Variants in WDR43 observed in about 807,000 individuals in gnomAD.
WDR43 encodes the protein WD repeat domain 43.
Under a neutral mutation model 91.4 loss-of-function variants are expected in WDR43, and 13 were observed. That is an observed-to-expected ratio of 0.14 (90% CI 0.09 to 0.23). The LOEUF is 0.23. Among genes scored for constraint, WDR43 ranks in the 10% least tolerant of loss-of-function variants. WDR43 has a pLI of 1.00. For synonymous variants in WDR43, 331 were observed against 287.9 expected (o/e 1.15, Z -1.51); for missense variants, 780 against 809.4 (o/e 0.96, Z 0.44).
Position 28,927,601 on chromosome 2 carries a change from A to G in WDR43, c.1206A>G (p.Lys402=). ...VRTPVMNSEA[K]VLVPGIPGHH... ...CACCAGTGATGAATTCTGAAGCAAAAGTTCTGGTGCCTGGGATTCCTGGTC... is the reference window on the plus strand; with the variant it reads ...CACCAGTGATGAATTCTGAAGCAAAGGTTCTGGTGCCTGGGATTCCTGGTC... Residue 402 remains lysine (K), a synonymous_variant, in exon 10 of 18, where the codon AAA becomes AAG. Transcript: ENST00000407426. The G allele has an allele frequency of 6.2e-7, 1 of 1,613,836 alleles. No homozygotes were observed. Among genetic ancestry groups the G allele is most frequent in the Non-Finnish European group, 8.5e-7 (1 of 1,179,844 alleles).
chr2:28,912,538 G>A, intron 3 of WDR43, 52 bp from the exon 4 acceptor site: 1 of 1,583,302 alleles, frequency 6.3e-7, no homozygotes, highest in Non-Finnish European at 8.6e-7. Context: ...TCTGCTCTGA[G>A]TAAAGTTTTC....
chr2:28,938,293 G>T (rs1187744287), intron 14 of WDR43, among the ~76,000 whole-genome samples: 1 of 152,154 alleles, frequency 6.6e-6, no homozygotes, highest in Non-Finnish European at 1.5e-5. Context: ...AGATTTAGAT[G>T]TGACACACAC....
intron 15 of WDR43, 91 bp from the exon 16 acceptor site, chr2:28,942,221 C>T: frequency 7.9e-7 from 1 of 1,258,854 alleles, no homozygotes; most frequent in Non-Finnish European, 1.1e-6. Context: ...GAGTTAGCAG[C>T]AAGCAGTGGG....
chr2:28,939,686 G>T (rs915711259), intron 14 of WDR43, among the ~76,000 whole-genome samples: 9 of 152,192 alleles, frequency 5.9e-5, no homozygotes, highest in Non-Finnish European at 1.2e-4. Flanking sequence ...TGATAAATTG[G>T]AATGCAATGA....
In WDR43 at chr2:28,947,469, C is replaced by A. The variant is rs1442428459; in HGVS notation, c.*690C>A. Reference sequence around the variant, plus strand: ...GTCATTAAAAAACTAGAGAATTAGCCATATTAAGGATTTTTCTTGACTGCA... The same window carrying A: ...GTCATTAAAAAACTAGAGAATTAGCAATATTAAGGATTTTTCTTGACTGCA... On this transcript the variant is annotated 3_prime_UTR_variant, in exon 18 of 18. Coordinates refer to ENST00000407426, the MANE Select transcript of WDR43 (RefSeq NM_015131.3). The A allele has an allele frequency of 6.6e-6, 1 of 151,858 alleles. No individual in the cohort carries two copies. Among genetic ancestry groups the A allele is most frequent in the Non-Finnish European group, 1.5e-5 (1 of 67,964 alleles). 9.4% of individuals were successfully genotyped at this position (151,858 alleles called of 1,614,324 possible).
rs1207976912 is a variant in WDR43 at position 28,913,801 on chromosome 2, A to G, written c.607-268A>G. On this transcript the variant is annotated intron_variant, in intron 4 of 17. Transcript: ENST00000407426. Reference sequence around the variant, plus strand: ...AATTAAGTGAATCTTTAATTCAAGAATGTAAGAAACAAAGGTGCGGAGTGG... The same window carrying G: ...AATTAAGTGAATCTTTAATTCAAGAGTGTAAGAAACAAAGGTGCGGAGTGG... 3 of 637,252 alleles carry G rather than the reference A, an allele frequency of 4.7e-6. No homozygotes were observed. In the African/African-American group the frequency reaches 5.3e-5, roughly 11 times the overall value. The allele number at this position is 637,252 out of a possible 1,614,324, so 39.5% of individuals were successfully genotyped here.
In WDR43 at chr2:28,937,515, T is replaced by TCTATATTTGC. The variant is rs201959440; in HGVS notation, c.1557-413_1557-404dup. Among the ~76,000 whole-genome samples the TCTATATTTGC allele has an allele frequency of 5.1e-3, 778 of 152,286 alleles. 5 individuals carry two copies. Among genetic ancestry groups the TCTATATTTGC allele is most frequent in the African/African-American group, 0.018 (736 of 41,540 alleles). ...TTATGACTTTTTTGCACATTTTTGGTCTATATTTGCCTTTTAATGTTAATG... is the reference window on the plus strand; with the variant it reads ...TTATGACTTTTTTGCACATTTTTGGTCTATATTTGCCTATATTTGCCTTTTAATGTTAATG... On this transcript the variant is annotated intron_variant, in intron 13 of 17. Coordinates refer to ENST00000407426, the MANE Select transcript of WDR43 (RefSeq NM_015131.3).
At position 28,947,032 on chromosome 2, in the gene WDR43, T is replaced by C. The variant is rs1487517202; in HGVS notation, c.*253T>C. The C allele has an allele frequency of 3.3e-6, 1 of 303,790 alleles. No homozygotes were observed. Among genetic ancestry groups the C allele is most frequent in the Non-Finnish European group, 6.0e-6 (1 of 165,678 alleles). 18.8% of individuals were successfully genotyped at this position (303,790 alleles called of 1,614,324 possible). ...AATGTACTGACATCAGTGTCCAATA[T>C]ATGGTATATTTTTATAATATAATAT... is the stretch of plus-strand genomic sequence containing the variant. On this transcript the variant is annotated 3_prime_UTR_variant, in exon 18 of 18. Transcript: ENST00000407426.
intron 7 of WDR43, 109 bp downstream of exon 7, chr2:28,923,092 A>G: frequency 2.2e-6 from 2 of 924,782 alleles, no homozygotes; most frequent in Non-Finnish European, 3.2e-6. Flanking sequence ...CAGCCAGATT[A>G]TTTTGAAAGC....
intron 3 of WDR43, among the ~76,000 whole-genome samples, chr2:28,907,316 G>T (rs1670699752): frequency 6.6e-6 from 1 of 151,912 alleles, no homozygotes; most frequent in Admixed American, 6.6e-5. Context: ...TTTAGATTCT[G>T]TCTGGTATGC....
chr2:28,940,038 G>A (rs12465258), intron 14 of WDR43, among the ~76,000 whole-genome samples: 2 of 150,294 alleles, frequency 1.3e-5, no homozygotes, highest in Admixed American at 6.6e-5. Flanking sequence ...GTGAACCCGG[G>A]GGGGCAGAGG....
chr2:28,914,696 C>T (rs967577256), intron 5 of WDR43, among the ~76,000 whole-genome samples: 6 of 152,072 alleles, frequency 3.9e-5, no homozygotes, highest in African/African-American at 1.2e-4. Flanking sequence ...TTTGGGAGGC[C>T]GAGGCGGGCG....
At chr2:28,940,101 G>C (rs1168497945) in intron 14 of WDR43, among the ~76,000 whole-genome samples, 2 of 94,746 alleles carry the variant, frequency 2.1e-5, no homozygotes, top group Non-Finnish European at 3.9e-5. Context: ...GACAGAGCGA[G>C]ACTCCGTCTC....
At chr2:28,942,260 A>G (rs1215275335) in intron 15 of WDR43, 52 bp from the exon 16 acceptor site, 1 of 1,574,464 alleles carries the variant, frequency 6.4e-7, no homozygotes, top group Non-Finnish European at 8.7e-7. Flanking sequence ...TGGTCGTGAT[A>G]CTTGGGATAT....
intron 5 of WDR43, among the ~76,000 whole-genome samples, chr2:28,917,351 A>AT (rs1306695057): frequency 5.3e-5 from 8 of 152,194 alleles, no homozygotes; most frequent in Non-Finnish European, 8.8e-5. Context: ...GTGTGTATAT[A>AT]TAGGTCTGTT....
chr2:28,935,196 G>C (rs916501751), intron 11 of WDR43, among the ~76,000 whole-genome samples: 2 of 152,250 alleles, frequency 1.3e-5, no homozygotes, highest in African/African-American at 4.8e-5. Flanking sequence ...TTCATAAAAT[G>C]GAGGTTTGGG....
At chr2:28,907,153 G>T (rs368603970) in intron 3 of WDR43, among the ~76,000 whole-genome samples, 1 of 152,278 alleles carries the variant, frequency 6.6e-6, no homozygotes, top group East Asian at 1.9e-4. Flanking sequence ...GAGGTTGGCC[G>T]TATAGGAGAT....
intron 9 of WDR43, chr2:28,927,158 T>C: frequency 1.9e-6 from 1 of 519,174 alleles, no homozygotes; most frequent in Non-Finnish European, 3.8e-6. Context: ...TGGCAGAGAT[T>C]GAATTCTGGA....
chr2:28,925,538 C>T (rs1671112670), intron 8 of WDR43, among the ~76,000 whole-genome samples: 1 of 152,066 alleles, frequency 6.6e-6, no homozygotes, highest in Admixed American at 6.6e-5. Flanking sequence ...TGCCTAGTTA[C>T]GAAGATATGA....
Sources: gnomAD v4.1 joint callset for allele counts (sites outside exome capture counted in the v4.1 genomes callset) on GRCh38, gnomAD v4.1.1 for gene constraint, MANE v1.5 for transcripts, NCBI Gene and HGNC (gene_info 2026-07-23, HGNC 2026-07-21) for gene names.